The following POLR3G variants were observed in gnomAD, a reference collection of about 807,000 sequenced individuals.
POLR3G encodes DNA-directed RNA polymerase III subunit RPC7.
POLR3G carries 28 observed loss-of-function variants against 30.1 expected under a neutral mutation model. That is an observed-to-expected ratio of 0.93 (90% CI 0.69 to 1.27). The LOEUF (loss-of-function observed/expected upper bound fraction) is 1.27, where lower values mean the gene tolerates loss of function less well. Ranked by LOEUF, POLR3G falls within the 50% of genes most tolerant of loss-of-function variation. POLR3G has a pLI of 0.00. For missense variants in POLR3G, 254 were observed against 264.6 expected (o/e 0.96, Z 0.28); for synonymous variants, 79 against 82.5 (o/e 0.96, Z 0.23).
rs762093499 is a variant in POLR3G at position 90,495,692 on chromosome 5, G to T, written c.263G>T (p.Ser88Ile). The T allele has an allele frequency of 3.1e-6, 5 of 1,599,620 alleles. No homozygotes were observed. Among genetic ancestry groups the T allele is most frequent in the East Asian group, 2.3e-5 (1 of 44,074 alleles). ...PEERQDIERY[S>I]KRYMKVYKEE... ...TTTCCCCTAGATATTGAAAGGTATA[G>T]TAAAAGATACATGAAGGTATACAAG... The change falls in exon 4 of 8, where the codon AGT (serine) becomes ATT (isoleucine). Residue 88 changes from serine to isoleucine, a missense_variant. Ser to Ile is a moderately radical substitution (Grantham distance 142). Transcript: ENST00000651687.
chr5:90,488,596 A>C (rs1751568630), intron 3 of POLR3G, among the ~76,000 whole-genome samples: 1 of 151,966 alleles, frequency 6.6e-6, no homozygotes, highest in Non-Finnish European at 1.5e-5. Flanking sequence ...TACTCTGTGG[A>C]TATATTATTA....
At chr5:90,488,262 A>G (rs1428416133) in intron 3 of POLR3G, 133 bp downstream of exon 3, 2 of 695,054 alleles carry the variant, frequency 2.9e-6, no homozygotes, top group Non-Finnish European at 4.2e-6. Flanking sequence ...TGAAAAAGCT[A>G]TTTATGTTGC....
At chr5:90,487,776 T>C in intron 2 of POLR3G, among the ~76,000 whole-genome samples, 1 of 152,058 alleles carries the variant, frequency 6.6e-6, no homozygotes, top group East Asian at 1.9e-4. Flanking sequence ...TCAGGGCCAA[T>C]AGGAAAATTA....
intron 6 of POLR3G, chr5:90,502,309 T>G: frequency 1.0e-6 from 1 of 956,690 alleles, no homozygotes; most frequent in African/African-American, 1.8e-5. Flanking sequence ...TTAAAAAGAG[T>G]TACATATGTA....
chr5:90,488,006 G>A lies in POLR3G; in HGVS notation c.124G>A (p.Asp42Asn). The A allele has an allele frequency of 6.3e-7, 1 of 1,592,588 alleles. No homozygotes were observed. Among genetic ancestry groups the A allele is most frequent in the East Asian group, 2.3e-5 (1 of 44,186 alleles). ...LKPPPLFPDT[D>N]YKPVPLKTGE... is the part of the protein sequence containing the mutation. ...TGTCTCTTAATTTAAACAGGATACA[G>A]ATTATAAACCAGTGCCACTGAAAAC... Residue 42 changes from aspartate to asparagine, a missense_variant, in exon 3 of 8, where the codon GAT becomes AAT. Transcript: ENST00000651687.
At chr5:90,478,755 G>A (rs1428893424) in intron 1 of POLR3G, among the ~76,000 whole-genome samples, 1 of 151,268 alleles carries the variant, frequency 6.6e-6, no homozygotes, top group Admixed American at 6.6e-5. Flanking sequence ...GGAGGCCGAG[G>A]AGGGCAGATC....
Position 90,509,234 on chromosome 5 carries a change from C to G in POLR3G, c.585+2560C>G, listed in dbSNP as rs550845953. On this transcript the variant is annotated intron_variant, in intron 7 of 7. Coordinates refer to ENST00000651687, the MANE Select transcript of POLR3G (RefSeq NM_006467.3). ...ATTTTTATGGTCTCTGGAGTTCTTTCTAGTCTTTAAATGTCAGTATTCTTC... is the reference window on the plus strand; with the variant it reads ...ATTTTTATGGTCTCTGGAGTTCTTTGTAGTCTTTAAATGTCAGTATTCTTC... 5.2e-4 allele frequency among the ~76,000 whole-genome samples: 79 copies of G among 152,166 alleles called. 1 individual carries two copies. The South Asian group carries it at 1.0e-2, about 19-fold the overall frequency.
chr5:90,485,732 C>A (rs1346665119), intron 2 of POLR3G, 48 bp downstream of exon 2: 6 of 1,356,592 alleles, frequency 4.4e-6, no homozygotes, highest in African/African-American at 2.9e-5. Flanking sequence ...TTTCATTTTT[C>A]AGAGAATATT....
intron 3 of POLR3G, 139 bp downstream of exon 3, chr5:90,488,268 G>A (rs1751551405): frequency 1.5e-6 from 1 of 651,640 alleles, no homozygotes; most frequent in Non-Finnish European, 2.3e-6. Flanking sequence ...AGCTATTTAT[G>A]TTGCTTTAAC....
At chr5:90,498,277 T>A (rs1191318460) in intron 5 of POLR3G, among the ~76,000 whole-genome samples, 1 of 152,194 alleles carries the variant, frequency 6.6e-6, no homozygotes, top group Non-Finnish European at 1.5e-5. Flanking sequence ...TCTTATTTTT[T>A]AATTTTTAAA....
chr5:90,504,355 T>G (rs1334368431), intron 6 of POLR3G, among the ~76,000 whole-genome samples: 1 of 148,866 alleles, frequency 6.7e-6, no homozygotes, highest in African/African-American at 2.6e-5. Context: ...GGTCAGGAGA[T>G]CGAGACCATC....
intron 1 of POLR3G, among the ~76,000 whole-genome samples, chr5:90,477,885 C>T (rs1263534347): frequency 6.6e-6 from 1 of 152,188 alleles, no homozygotes; most frequent in Non-Finnish European, 1.5e-5. Flanking sequence ...TAAATACCCT[C>T]TAGGGGTTTC....
At chr5:90,476,157 A>G (rs1309067098) in intron 1 of POLR3G, among the ~76,000 whole-genome samples, 1 of 152,238 alleles carries the variant, frequency 6.6e-6, no homozygotes, top group Admixed American at 6.5e-5. Flanking sequence ...ATAAGCCTTC[A>G]TGGAAGGAGA....
At chr5:90,505,079 A>G (rs1752423160) in intron 6 of POLR3G, among the ~76,000 whole-genome samples, 1 of 152,180 alleles carries the variant, frequency 6.6e-6, no homozygotes, top group African/African-American at 2.4e-5. Context: ...TGATTTCCTT[A>G]AATTCAAATT....
intron 1 of POLR3G, among the ~76,000 whole-genome samples, chr5:90,481,102 A>T (rs1006967743): frequency 3.3e-5 from 5 of 152,158 alleles, no homozygotes; most frequent in African/African-American, 1.2e-4. Context: ...AGAAAGATAA[A>T]ATTTGTATAC....
intron 5 of POLR3G, among the ~76,000 whole-genome samples, chr5:90,499,723 A>G (rs760794531): frequency 3.3e-5 from 5 of 152,216 alleles, no homozygotes; most frequent in South Asian, 2.1e-4. Context: ...TAATTGACAT[A>G]CAATACAATG....
Position 90,506,512 on chromosome 5 carries a change from AACTCACTT to A in POLR3G, c.439-14_439-7del, listed in dbSNP as rs1243598034. The A allele has an allele frequency of 1.2e-6, 2 of 1,609,008 alleles. No individual in the cohort carries two copies. The highest frequency in any genetic ancestry group is 4.5e-5 in the East Asian group (2 of 44,832). The stretch of plus-strand genomic sequence containing the variant: ...TAGTGGTTTCCATACAAATTAATGA[AACTCACTT>A]ATACCAGGAATTGGAAAAAAGAGGT... On this transcript the variant is annotated splice_region_variant and splice_polypyrimidine_tract_variant and intron_variant, in intron 6 of 7. Transcript: ENST00000651687.
intron 4 of POLR3G, 47 bp from the exon 5 acceptor site, chr5:90,497,609 A>G (rs747503141): frequency 8.9e-6 from 14 of 1,565,500 alleles, no homozygotes; most frequent in Non-Finnish European, 1.2e-5. Context: ...CAATGCCACA[A>G]ATTCCTAGAG....
In POLR3G at chr5:90,478,571, T is replaced by TTTTTTTTTTTTTC. The variant is rs1413604269; in HGVS notation, c.-44+3563_-44+3564insCTTTTTTTTTTTT. ...TGGGAGGTTTAATCTGCGTGGTTCT[T>TTTTTTTTTTTTTC]TTTTTTTTTTTTTTTGAGAGGGAGC... On this transcript the variant is annotated intron_variant, in intron 1 of 7. Coordinates refer to ENST00000651687, the MANE Select transcript of POLR3G (RefSeq NM_006467.3). Among the ~76,000 whole-genome samples, 3 of 129,776 alleles carry TTTTTTTTTTTTTC rather than the reference T, an allele frequency of 2.3e-5. 1 individual carries two copies. The highest frequency in any genetic ancestry group is 1.6e-4 in the Admixed American group (2 of 12,586). 85.1% of individuals were successfully genotyped at this position (129,776 alleles called of 152,430 possible).
Sources: allele counts gnomAD v4.1 joint callset (sites outside exome capture counted in the v4.1 genomes callset), GRCh38; gene constraint gnomAD v4.1.1; transcripts MANE v1.5; gene names NCBI Gene and HGNC (gene_info 2026-07-23, HGNC 2026-07-21).